The following ASIC2 variants were observed in gnomAD, a reference collection of about 807,000 sequenced individuals.
The protein encoded by ASIC2 is acid sensing ion channel subunit 2, also known as acid-sensing ion channel 2.
Under a neutral mutation model 57.3 loss-of-function variants are expected in ASIC2, and 25 were observed. The ratio of observed to expected loss-of-function variants is 0.44; its 90% CI spans 0.32 to 0.61. The LOEUF is 0.61. Among genes scored for constraint, ASIC2 ranks in the 20% least tolerant of loss-of-function variants. The probability of loss-of-function intolerance (pLI) is 0.06; values close to 1 mark genes in which losing one functional copy is unlikely to be tolerated. For missense variants in ASIC2, 641 were observed against 738.1 expected, an observed-to-expected ratio of 0.87 and a Z score of 1.52; for synonymous variants, 319 against 307.5, an observed-to-expected ratio of 1.04 and a Z score of -0.39.
intron 1 of ASIC2, among the ~76,000 whole-genome samples, chr17:33,813,541 A>G (rs931026875): frequency 6.6e-6 from 1 of 152,102 alleles, no homozygotes; most frequent in African/African-American, 2.4e-5. Context: ...GGTTCACGCC[A>G]TTCTCCTGCC....
At position 33,863,904 on chromosome 17, in the gene ASIC2, T is replaced by TG. The variant is rs1314760769; in HGVS notation, c.555+292073_555+292074insC. Among the ~76,000 whole-genome samples the TG allele has an allele frequency of 1.9e-4, 12 of 63,666 alleles. No individual in the cohort carries two copies. In the East Asian group the frequency reaches 2.1e-3, roughly 11 times the overall value. 41.8% of individuals were successfully genotyped at this position (63,666 alleles called of 152,430 possible). A position where few individuals can be genotyped will look rare whatever the true frequency, so the allele number is the denominator to read the frequency against. ...TTTACAGTTACCTCTTTTTTTGTTTTTTTTTTTTTTGTTTTTGAGATGGAG... is the reference window on the plus strand; with the variant it reads ...TTTACAGTTACCTCTTTTTTTGTTTTGTTTTTTTTTTGTTTTTGAGATGGAG... On this transcript the variant is annotated intron_variant, in intron 1 of 9. Transcript: ENST00000359872.
intron 1 of ASIC2, among the ~76,000 whole-genome samples, chr17:33,917,945 CCA>C (rs1915622893): frequency 6.9e-6 from 1 of 144,594 alleles, no homozygotes; most frequent in Admixed American, 6.8e-5. Context: ...CTCATTCATT[CCA>C]CACACACGTG....
chr17:33,838,205 T>C (rs1795519590), intron 1 of ASIC2, among the ~76,000 whole-genome samples: 2 of 152,246 alleles, frequency 1.3e-5, no homozygotes, highest in Non-Finnish European at 1.5e-5. Flanking sequence ...TGCACACAGA[T>C]GCTTCATAAA....
At chr17:33,048,152 G>A (rs1246880745) in intron 3 of ASIC2, among the ~76,000 whole-genome samples, 1 of 152,172 alleles carries the variant, frequency 6.6e-6, no homozygotes, top group African/African-American at 2.4e-5. Context: ...CAAGAAGGTG[G>A]CTGTTTGCAA....
chr17:33,956,008 A>G (rs1293656214), intron 1 of ASIC2, among the ~76,000 whole-genome samples: 2 of 152,174 alleles, frequency 1.3e-5, no homozygotes, highest in Non-Finnish European at 2.9e-5. Context: ...AGGGCCCATC[A>G]TTAGACTATT....
intron 1 of ASIC2, among the ~76,000 whole-genome samples, chr17:34,092,459 A>G (rs776643966): frequency 6.6e-6 from 1 of 152,120 alleles, no homozygotes; most frequent in Middle Eastern, 3.2e-3. Flanking sequence ...CCTCATGTCC[A>G]ATGTCATTGT....
intron 1 of ASIC2, among the ~76,000 whole-genome samples, chr17:33,180,898 C>T (rs1160318692): frequency 1.3e-5 from 2 of 152,170 alleles, no homozygotes; most frequent in Non-Finnish European, 2.9e-5. Flanking sequence ...GTTCAATGCT[C>T]TGCTCCTTCT....
In ASIC2 at chr17:33,949,702, T is replaced by C. The variant is rs577881074; in HGVS notation, c.555+206276A>G. Among the ~76,000 whole-genome samples, 15 of 152,328 alleles carry C rather than the reference T, an allele frequency of 9.8e-5. No individual in the cohort carries two copies. The East Asian group carries it at 2.7e-3, about 27-fold the overall frequency. On this transcript the variant is annotated intron_variant, in intron 1 of 9. Coordinates refer to the ASIC2 transcript ENST00000359872. ...AGATAAGCAAAGTTACTGGCATATA[T>C]GAACCTCAGTTTCCTCATCTATAAA...
At chr17:34,068,458 T>C (rs1158641669) in intron 1 of ASIC2, among the ~76,000 whole-genome samples, 1 of 152,236 alleles carries the variant, frequency 6.6e-6, no homozygotes, top group African/African-American at 2.4e-5. Context: ...CAGCCCATTC[T>C]GCAGCAAAAG....
chr17:33,683,892 C>T (rs759110224), intron 1 of ASIC2, among the ~76,000 whole-genome samples: 7 of 152,142 alleles, frequency 4.6e-5, no homozygotes, highest in Non-Finnish European at 7.3e-5. Context: ...CTTGACTCTA[C>T]CAATTACATC....
At chr17:33,825,727 T>C (rs1410492823) in intron 1 of ASIC2, among the ~76,000 whole-genome samples, 1 of 152,206 alleles carries the variant, frequency 6.6e-6, no homozygotes, top group Non-Finnish European at 1.5e-5. Flanking sequence ...AAGGTTCCTT[T>C]GGACACCATC....
intron 1 of ASIC2, among the ~76,000 whole-genome samples, chr17:33,425,981 G>A (rs932021356): frequency 6.6e-6 from 1 of 152,142 alleles, no homozygotes; most frequent in Non-Finnish European, 1.5e-5. Flanking sequence ...TGGAGAGAGA[G>A]GGGCTAGTAA....
chr17:33,431,767 T>C (rs1911428617), intron 1 of ASIC2, among the ~76,000 whole-genome samples: 1 of 152,016 alleles, frequency 6.6e-6, no homozygotes, highest in Admixed American at 6.6e-5. Context: ...AAAATAAACA[T>C]CATAAAAATA....
intron 1 of ASIC2, among the ~76,000 whole-genome samples, chr17:33,479,416 T>C (rs565778360): frequency 4.1e-4 from 62 of 152,216 alleles, no homozygotes; most frequent in Non-Finnish European, 7.5e-4. Context: ...GTTCTGGGTT[T>C]CTTGTGGCCA....
rs558778424 is a variant in ASIC2 at position 33,288,591 on chromosome 17, C to G, written c.708+2817G>C. Reference sequence around the variant, plus strand: ...TTTAGAGACTACTCTGGCTGTAAAGCAGACAATGGGATGCAGGGTGTTGGC... The same window carrying G: ...TTTAGAGACTACTCTGGCTGTAAAGGAGACAATGGGATGCAGGGTGTTGGC... On this transcript the variant is annotated intron_variant, in intron 1 of 9. Coordinates refer to ENST00000225823, the MANE Select transcript of ASIC2 (RefSeq NM_183377.2). 1.1e-4 allele frequency among the ~76,000 whole-genome samples: 17 copies of G among 152,188 alleles called. No homozygotes were observed. In the South Asian group the frequency reaches 1.7e-3, roughly 15 times the overall value.
At chr17:33,926,931 GA>G (rs1201663578) in intron 1 of ASIC2, among the ~76,000 whole-genome samples, 1 of 151,876 alleles carries the variant, frequency 6.6e-6, no homozygotes, top group Non-Finnish European at 1.5e-5. Flanking sequence ...AAAAGTTTTG[GA>G]TTTTTTTTTT....
intron 1 of ASIC2, among the ~76,000 whole-genome samples, chr17:34,076,588 A>G (rs563763952): frequency 6.6e-6 from 1 of 152,198 alleles, no homozygotes; most frequent in Non-Finnish European, 1.5e-5. Context: ...CCTTCCATAC[A>G]TAATTGTTGT....
At chr17:33,631,608 G>A (rs999906158) in intron 1 of ASIC2, among the ~76,000 whole-genome samples, 17 of 152,130 alleles carry the variant, frequency 1.1e-4, no homozygotes, top group Admixed American at 2.6e-4. Context: ...AGGGTGCTTA[G>A]CATTATGCCT....
At chr17:33,751,856 G>C (rs752304902) in intron 1 of ASIC2, among the ~76,000 whole-genome samples, 2 of 151,642 alleles carry the variant, frequency 1.3e-5, no homozygotes, top group South Asian at 4.2e-4. Flanking sequence ...GGGGCAGACC[G>C]GGTGTGCTGA....
Sources: allele counts gnomAD v4.1 joint callset (sites outside exome capture counted in the v4.1 genomes callset), GRCh38; gene constraint gnomAD v4.1.1; transcripts MANE v1.5; gene names NCBI Gene and HGNC (gene_info 2026-07-23, HGNC 2026-07-21).